The following TG variants were observed in gnomAD, a reference collection of about 807,000 sequenced individuals.
TG encodes the protein thyroid hormones.
TG carries 270 observed loss-of-function variants against 324.7 expected under a neutral mutation model. That is an observed-to-expected ratio of 0.83 (90% CI 0.75 to 0.92). The LOEUF (loss-of-function observed/expected upper bound fraction) is 0.92. TG is among the 40% of genes least tolerant of loss of function. The pLI is 0.00. For missense variants in TG, 3,591 were observed against 3,456.4 expected (o/e 1.04, Z -0.98); for synonymous variants, 1,401 against 1,327.0 (o/e 1.06, Z -1.21).
At chr8:133,111,358 A>T (rs139518682) in intron 43 of TG, among the ~76,000 whole-genome samples, 1 of 152,362 alleles carries the variant, frequency 6.6e-6, no homozygotes, top group African/African-American at 2.4e-5. Flanking sequence ...ATCGTGCCCA[A>T]TTCACCTTGT....
chr8:132,926,444 T>C (rs905251059), intron 22 of TG, among the ~76,000 whole-genome samples: 3 of 152,244 alleles, frequency 2.0e-5, no homozygotes, highest in African/African-American at 7.2e-5. Flanking sequence ...CCATTTGCAG[T>C]ATCCCAGCCT....
intron 35 of TG, among the ~76,000 whole-genome samples, chr8:132,993,755 T>G (rs1240028635): frequency 2.0e-5 from 3 of 152,230 alleles, no homozygotes. Context: ...ACAGTAACTT[T>G]CTCCCTATAC....
chr8:132,970,052 T>C (rs552480101), intron 32 of TG, among the ~76,000 whole-genome samples: 1 of 151,876 alleles, frequency 6.6e-6, no homozygotes, highest in South Asian at 2.1e-4. Flanking sequence ...AGCCTTGAAC[T>C]ACTCGCTGGA....
intron 40 of TG, among the ~76,000 whole-genome samples, chr8:133,024,903 T>C (rs764954248): frequency 4.0e-5 from 6 of 151,592 alleles, no homozygotes; most frequent in Non-Finnish European, 8.8e-5. Context: ...TAGAATGATT[T>C]GGCGATTCCT....
intron 41 of TG, among the ~76,000 whole-genome samples, chr8:133,033,808 C>T (rs1462962540): frequency 6.6e-6 from 1 of 152,244 alleles, no homozygotes; most frequent in Non-Finnish European, 1.5e-5. Context: ...AGTGAAAACA[C>T]TTATATGTAG....
At chr8:133,054,340 A>G (rs1564124456) in intron 41 of TG, among the ~76,000 whole-genome samples, 1 of 152,102 alleles carries the variant, frequency 6.6e-6, no homozygotes, top group Non-Finnish European at 1.5e-5. Flanking sequence ...CCCAGAGAGA[A>G]TTTTCGGGAA....
intron 34 of TG, among the ~76,000 whole-genome samples, chr8:132,983,030 T>C (rs1831075894): frequency 6.6e-6 from 1 of 152,152 alleles, no homozygotes; most frequent in Non-Finnish European, 1.5e-5. Context: ...GCATGGCAAT[T>C]ATTGAAACTT....
At chr8:132,887,919 T>C (rs1255093216) in intron 9 of TG, 65 bp from the exon 10 acceptor site, 1 of 1,462,234 alleles carries the variant, frequency 6.8e-7, no homozygotes, top group African/African-American at 1.4e-5. Context: ...TAAGTGGTTT[T>C]ATCTTGGTCT....
rs148000809 is a variant in TG at position 133,074,283 on chromosome 8, A to G, written c.7240-20761A>G. Among the ~76,000 whole-genome samples, 4 of 152,264 alleles carry G rather than the reference A, an allele frequency of 2.6e-5. No homozygotes were observed. The South Asian group carries it at 6.2e-4, about 24-fold the overall frequency. On this transcript the variant is annotated intron_variant, in intron 41 of 47. Coordinates refer to ENST00000220616, the MANE Select transcript of TG (RefSeq NM_003235.5). Reference sequence around the variant, plus strand: ...CTTCTTAAAGAAGATGCATACAATCACACTCCAAGTAGCGCTATTGCAATC... The same window carrying G: ...CTTCTTAAAGAAGATGCATACAATCGCACTCCAAGTAGCGCTATTGCAATC...
At chr8:132,952,480 G>T (rs1429758785) in intron 27 of TG, among the ~76,000 whole-genome samples, 1 of 152,140 alleles carries the variant, frequency 6.6e-6, no homozygotes, top group Non-Finnish European at 1.5e-5. Context: ...TTGTTCTCTG[G>T]TCCCTGGCTC....
chr8:133,047,641 G>A (rs745335916), intron 41 of TG: 2 of 605,510 alleles, frequency 3.3e-6, no homozygotes, highest in Non-Finnish European at 6.0e-6. Flanking sequence ...GCTCCCCACT[G>A]CCTGTCTCTA....
chr8:132,941,881 C>G (rs1286889678), intron 26 of TG, among the ~76,000 whole-genome samples: 1 of 152,096 alleles, frequency 6.6e-6, no homozygotes, highest in African/African-American at 2.4e-5. Flanking sequence ...GTGATAGAGC[C>G]AGGATTTGAC....
intron 35 of TG, among the ~76,000 whole-genome samples, chr8:132,999,919 C>T (rs1833286721): frequency 6.6e-6 from 1 of 152,192 alleles, no homozygotes; most frequent in Admixed American, 6.5e-5. Context: ...CACAACCAGA[C>T]CTACATCCCC....
intron 35 of TG, among the ~76,000 whole-genome samples, chr8:132,999,692 A>G (rs1188794286): frequency 6.6e-6 from 1 of 152,242 alleles, no homozygotes; most frequent in Admixed American, 6.5e-5. Flanking sequence ...CAATAGAAGA[A>G]TATGCAGCAG....
At chr8:133,017,072 G>A (rs1835096360) in intron 37 of TG, among the ~76,000 whole-genome samples, 1 of 152,192 alleles carries the variant, frequency 6.6e-6, no homozygotes, top group African/African-American at 2.4e-5. Context: ...CCAACCCTTT[G>A]TGCATGGGGT....
intron 44 of TG, among the ~76,000 whole-genome samples, chr8:133,114,287 C>T (rs1219761969): frequency 6.6e-6 from 1 of 152,144 alleles, no homozygotes; most frequent in African/African-American, 2.4e-5. Flanking sequence ...CAAGCTCAAG[C>T]TTCTCTCACT....
At chr8:132,879,623 G>C (rs1814359265) in intron 5 of TG, among the ~76,000 whole-genome samples, 1 of 152,230 alleles carries the variant, frequency 6.6e-6, no homozygotes, top group South Asian at 2.1e-4. Flanking sequence ...GTCTGTCCTA[G>C]AGGTCAGCAA....
At chr8:132,971,695 C>A in intron 32 of TG, 99 bp from the exon 33 acceptor site, 1 of 830,416 alleles carries the variant, frequency 1.2e-6, no homozygotes, top group Non-Finnish European at 2.1e-6. Flanking sequence ...AAAAAATAAG[C>A]TAGTTCCCCA....
At chr8:133,132,226 G>A (rs1270098655) in intron 46 of TG, among the ~76,000 whole-genome samples, 1 of 152,194 alleles carries the variant, frequency 6.6e-6, no homozygotes, top group Non-Finnish European at 1.5e-5. Flanking sequence ...ATCGGGGGCT[G>A]GATAAATCTT....
Sources: gnomAD v4.1 joint callset for allele counts (sites outside exome capture counted in the v4.1 genomes callset) on GRCh38, gnomAD v4.1.1 for gene constraint, MANE v1.5 for transcripts, NCBI Gene and HGNC (gene_info 2026-07-23, HGNC 2026-07-21) for gene names.